The following PCDHA11 variants were observed in gnomAD, a reference collection of about 807,000 sequenced individuals.
PCDHA11 encodes protocadherin alpha 11.
PCDHA11 carries 61 observed loss-of-function variants against 70.3 expected under a neutral mutation model. The observed-to-expected ratio is 0.87, with a 90% CI of 0.71 to 1.07. The LOEUF (loss-of-function observed/expected upper bound fraction) is 1.07. Among genes scored for constraint, PCDHA11 ranks in the 50% least tolerant of loss-of-function variants. The pLI, the probability that PCDHA11 is intolerant of heterozygous loss-of-function variation, is 0.00. For synonymous variants in PCDHA11, 633 were observed against 555.1 expected (o/e 1.14, Z -1.97); for missense variants, 1,324 against 1,237.5 (o/e 1.07, Z -1.05).
At chr5:140,897,759 G>A (rs1238732675) in intron 1 of PCDHA11, among the ~76,000 whole-genome samples, 7 of 152,228 alleles carry the variant, frequency 4.6e-5, no homozygotes, top group South Asian at 2.1e-4. Flanking sequence ...CTGAGGAATC[G>A]CCACACTGAC....
chr5:140,877,699 A>G (rs1554169995), intron 1 of PCDHA11: 2 of 1,613,896 alleles, frequency 1.2e-6, no homozygotes, highest in Middle Eastern at 1.7e-4. Flanking sequence ...GGTGTGCTCC[A>G]GCGCCGTGGG....
chr5:140,990,729 C>G (rs2097409512), intron 3 of PCDHA11, among the ~76,000 whole-genome samples: 1 of 152,134 alleles, frequency 6.6e-6, no homozygotes, highest in Non-Finnish European at 1.5e-5. Flanking sequence ...CTAGGTATAT[C>G]AACAGCCCTA....
chr5:140,965,676 G>A (rs906070464), intron 1 of PCDHA11, among the ~76,000 whole-genome samples: 1 of 152,132 alleles, frequency 6.6e-6, no homozygotes, highest in African/African-American at 2.4e-5. Flanking sequence ...AAATGTAAAA[G>A]ATTTGAAGCA....
In PCDHA11 at chr5:140,993,461, CT is replaced by C. The variant is rs1554253717; in HGVS notation, c.2539+10899del. 2.8e-3 allele frequency among the ~76,000 whole-genome samples: 284 copies of C among 103,272 alleles called. 3 individuals are homozygous for C. Among genetic ancestry groups the C allele is most frequent in the African/African-American group, 0.011 (251 of 22,630 alleles). 67.8% of individuals were successfully genotyped at this position (103,272 alleles called of 152,430 possible). ...TCATTCCTGTTCTCCTTCTTTCTTTCTCACACACACACACACACACACACAC... is the reference window on the plus strand; with the variant it reads ...TCATTCCTGTTCTCCTTCTTTCTTTCCACACACACACACACACACACACAC... On this transcript the variant is annotated intron_variant, in intron 3 of 3. Coordinates refer to ENST00000398640, the MANE Select transcript of PCDHA11 (RefSeq NM_018902.5).
chr5:140,923,456 G>T (rs1554201450), intron 1 of PCDHA11, among the ~76,000 whole-genome samples: 3 of 152,134 alleles, frequency 2.0e-5, no homozygotes, highest in African/African-American at 7.2e-5. Flanking sequence ...TGAGCCCAGA[G>T]AGGTAGGGGC....
chr5:140,927,445 T>C (rs2084204838), intron 1 of PCDHA11: 1 of 1,613,580 alleles, frequency 6.2e-7, no homozygotes, highest in Non-Finnish European at 8.5e-7. Context: ...ATACCCGGAG[T>C]TGGTGTTGGA....
At chr5:141,001,473 G>A (rs1172395730) in intron 3 of PCDHA11, among the ~76,000 whole-genome samples, 1 of 152,220 alleles carries the variant, frequency 6.6e-6, no homozygotes, top group African/African-American at 2.4e-5. Flanking sequence ...AAGCAGCAGC[G>A]GGGAAGTGCT....
chr5:140,926,641 C>A, intron 1 of PCDHA11: 1 of 460,388 alleles, frequency 2.2e-6, no homozygotes, highest in Non-Finnish European at 3.6e-6. Flanking sequence ...TCCTCAACAC[C>A]CGGCCGGCTC....
chr5:140,999,603 G>C (rs552647484), intron 3 of PCDHA11, among the ~76,000 whole-genome samples: 1 of 152,246 alleles, frequency 6.6e-6, no homozygotes, highest in South Asian at 2.1e-4. Flanking sequence ...TACATCCTGG[G>C]GGACCTTATC....
At position 140,870,017 on chromosome 5, in the gene PCDHA11, G is replaced by T; in HGVS notation, c.914G>T (p.Gly305Val). ...AATAATGGAGAAGTGAGGGTCAATG[G>T]AACTTTAGATTATGAAGAAAACAAG... Reference protein sequence around the residue: ...DQNNGEVRVNGTLDYEENKFY... With the variant: ...DQNNGEVRVNVTLDYEENKFY... Residue 305 changes from glycine (G) to valine (V), a missense_variant, in exon 1 of 4, where the codon GGA (glycine) becomes GTA (valine). By Grantham distance (109) the Gly-to-Val change is moderately radical. Coordinates refer to ENST00000398640, the MANE Select transcript of PCDHA11 (RefSeq NM_018902.5). The T allele has an allele frequency of 6.2e-7, 1 of 1,613,620 alleles. No individual in the cohort carries two copies. The highest frequency in any genetic ancestry group is 8.5e-7 in the Non-Finnish European group (1 of 1,179,842).
At chr5:140,877,710 G>T in intron 1 of PCDHA11, 1 of 1,614,098 alleles carries the variant, frequency 6.2e-7, no homozygotes, top group Non-Finnish European at 8.5e-7. Context: ...GCGCCGTGGG[G>T]AGTTGGTCTT....
intron 1 of PCDHA11, chr5:140,882,140 T>C (rs1010543120): frequency 7.4e-6 from 11 of 1,490,760 alleles, no homozygotes; most frequent in Admixed American, 4.6e-5. Flanking sequence ...GCAGAAAATA[T>C]AGCAGAAAGC....
intron 1 of PCDHA11, among the ~76,000 whole-genome samples, chr5:140,940,729 C>G (rs545285188): frequency 8.9e-4 from 136 of 152,326 alleles, no homozygotes; most frequent in African/African-American, 3.2e-3. Context: ...TTCAGCTGGA[C>G]AGCTCCATAT....
chr5:140,884,518 C>G, intron 1 of PCDHA11: 2 of 1,614,054 alleles, frequency 1.2e-6, no homozygotes, highest in Non-Finnish European at 1.7e-6. Context: ...GTTGGTCGTA[C>G]TCGCAGCAGA....
intron 1 of PCDHA11, among the ~76,000 whole-genome samples, chr5:140,936,458 G>A (rs963270336): frequency 2.6e-5 from 4 of 152,046 alleles, no homozygotes; most frequent in Non-Finnish European, 4.4e-5. Flanking sequence ...TCTGTTTAGT[G>A]GTTGCTGTAG....
At chr5:140,991,356 T>C (rs574243681) in intron 3 of PCDHA11, among the ~76,000 whole-genome samples, 2 of 152,366 alleles carry the variant, frequency 1.3e-5, no homozygotes, top group Non-Finnish European at 2.9e-5. Flanking sequence ...AAAAGACTAT[T>C]TACTGTCTGA....
At chr5:140,969,109 T>C (rs782731369) in intron 1 of PCDHA11, 10 of 1,614,126 alleles carry the variant, frequency 6.2e-6, no homozygotes, top group Non-Finnish European at 8.5e-6. Flanking sequence ...TCATTGAAGT[T>C]CGAGGGAATG....
At chr5:140,991,022 C>T (rs1324609159) in intron 3 of PCDHA11, among the ~76,000 whole-genome samples, 1 of 152,164 alleles carries the variant, frequency 6.6e-6, no homozygotes, top group Non-Finnish European at 1.5e-5. Flanking sequence ...AAGCACTTTA[C>T]ATATGTTGCA....
chr5:140,973,078 C>T (rs111586419), intron 1 of PCDHA11, among the ~76,000 whole-genome samples: 5,544 of 152,208 alleles, frequency 0.036, 303 homozygotes, highest in African/African-American at 0.12. Context: ...GTGGGCCCAG[C>T]TGGCACAACA....
Sources: allele counts gnomAD v4.1 joint callset (sites outside exome capture counted in the v4.1 genomes callset), GRCh38; gene constraint gnomAD v4.1.1; transcripts MANE v1.5; gene names NCBI Gene and HGNC (gene_info 2026-07-23, HGNC 2026-07-21).